The following CLTRN variants were observed in gnomAD, a reference collection of about 807,000 sequenced individuals.
CLTRN encodes the protein collectrin, amino acid transport regulator, also known as collectrin.
In CLTRN, 12 loss-of-function variants were observed where a neutral mutation model predicts 14.5. That is an observed-to-expected ratio of 0.83 (90% CI 0.53 to 1.34). The LOEUF is 1.34. Among genes scored for constraint, CLTRN ranks in the 40% most tolerant of loss-of-function variants. CLTRN has a pLI of 0.00. For missense variants in CLTRN, 154 were observed against 165.1 expected (o/e 0.93, Z 0.37); for synonymous variants, 58 against 56.5 (o/e 1.03, Z -0.12).
intron 4 of CLTRN, among the ~76,000 whole-genome samples, chrX:15,644,519 T>G (rs1569250973): frequency 9.0e-6 from 1 of 111,724 alleles, no homozygotes; most frequent in Non-Finnish European, 1.9e-5. Flanking sequence ...TTAGTTTGCA[T>G]GAGAGTCATG....
intron 5 of CLTRN, among the ~76,000 whole-genome samples, chrX:15,629,035 C>A (rs1928630048): frequency 9.0e-6 from 1 of 111,249 alleles, no homozygotes; most frequent in African/African-American, 3.3e-5. Flanking sequence ...GAGGTGGGTG[C>A]CTCTAGGCAA....
chrX:15,661,612 A>C (rs1238751567), intron 2 of CLTRN, among the ~76,000 whole-genome samples: 4 of 112,637 alleles, frequency 3.6e-5, no homozygotes, highest in Non-Finnish European at 7.5e-5. Context: ...GAAAATGTAC[A>C]ACTTAAGAGA....
chrX:15,630,900 G>C (rs1928679204), intron 5 of CLTRN, among the ~76,000 whole-genome samples: 1 of 111,893 alleles, frequency 8.9e-6, no homozygotes, highest in African/African-American at 3.3e-5. Context: ...CCTATAGATA[G>C]GTGTATTGTT....
At chrX:15,656,034 CT>C (rs995460196) in intron 3 of CLTRN, among the ~76,000 whole-genome samples, 2 of 111,682 alleles carry the variant, frequency 1.8e-5, no homozygotes, top group African/African-American at 6.5e-5. Flanking sequence ...ATTCCCAGCC[CT>C]GTTCAAGTCC....
upstream of CLTRN, chrX:15,664,872 C>G (rs1241144509): frequency 2.7e-6 from 2 of 745,065 alleles, no homozygotes; most frequent in Admixed American, 5.7e-5. Context: ...ATTAGAATAT[C>G]AGAGAAACAA....
intron 5 of CLTRN, among the ~76,000 whole-genome samples, chrX:15,631,148 A>G (rs1351437096): frequency 8.9e-6 from 1 of 112,251 alleles, no homozygotes; most frequent in Non-Finnish European, 1.9e-5. Context: ...TGTTTCTTCT[A>G]AAGATGAAGC....
intron 1 of CLTRN, among the ~76,000 whole-genome samples, chrX:15,670,519 CAAT>C (rs976281376): frequency 3.6e-5 from 4 of 111,286 alleles, no homozygotes; most frequent in Admixed American, 9.5e-5. Flanking sequence ...ATAATTTATA[CAAT>C]GTTTTCAGTA....
At chrX:15,650,572 C>G (rs1423572060) in intron 3 of CLTRN, among the ~76,000 whole-genome samples, 1 of 111,841 alleles carries the variant, frequency 8.9e-6, no homozygotes, top group East Asian at 2.8e-4. Context: ...GTTTCTTAAG[C>G]ATCATTTCTC....
intron 4 of CLTRN, 26 bp downstream of exon 4, chrX:15,644,890 T>C (rs202151271): frequency 2.0e-6 from 2 of 1,001,877 alleles, no homozygotes; most frequent in African/African-American, 1.9e-5. Context: ...GATTGACTAA[T>C]AGAAGGCATA....
intron 4 of CLTRN, among the ~76,000 whole-genome samples, chrX:15,642,194 G>A (rs1433616695): frequency 8.9e-6 from 1 of 111,935 alleles, no homozygotes; most frequent in Non-Finnish European, 1.9e-5. Flanking sequence ...GGCTTGGAAT[G>A]TATTCTATCA....
At chrX:15,640,863 A>G (rs1928925994) in intron 4 of CLTRN, among the ~76,000 whole-genome samples, 1 of 112,366 alleles carries the variant, frequency 8.9e-6, no homozygotes. Context: ...AGATCAGTAG[A>G]TCCACAACCA....
chrX:15,639,784 A>C (rs1928898205), intron 4 of CLTRN, 28 bp from the exon 5 acceptor site: 2 of 1,117,899 alleles, frequency 1.8e-6, no homozygotes, highest in East Asian at 6.0e-5. Flanking sequence ...TTAAAAATAA[A>C]CAAAATAAGA....
At chrX:15,652,182 T>C (rs1929233727) in intron 3 of CLTRN, among the ~76,000 whole-genome samples, 1 of 112,346 alleles carries the variant, frequency 8.9e-6, no homozygotes, top group Admixed American at 9.4e-5. Context: ...GTGACTACAT[T>C]GAATGTCCTC....
intron 3 of CLTRN, among the ~76,000 whole-genome samples, chrX:15,656,973 C>G (rs760473264): frequency 9.0e-6 from 1 of 110,639 alleles, no homozygotes; most frequent in East Asian, 2.8e-4. Context: ...TACTATTTCA[C>G]CAACCCGACA....
At chrX:15,648,877 C>T (rs1361426468) in intron 3 of CLTRN, among the ~76,000 whole-genome samples, 1 of 111,120 alleles carries the variant, frequency 9.0e-6, no homozygotes, top group Non-Finnish European at 1.9e-5. Context: ...AAATATTATG[C>T]GTAGTACATA....
At chrX:15,664,282 GCA>G in intron 2 of CLTRN, 53 bp downstream of exon 2, 6 of 935,737 alleles carry the variant, frequency 6.4e-6, no homozygotes, top group Non-Finnish European at 9.0e-6. Context: ...ATTAGAGAAA[GCA>G]CAGTGTTATT....
chrX:15,644,642 C>T (rs1468209792), intron 4 of CLTRN, among the ~76,000 whole-genome samples: 1 of 111,464 alleles, frequency 9.0e-6, no homozygotes, highest in Admixed American at 9.5e-5. Context: ...GGTGGTACCA[C>T]CACCCCCTCC....
At position 15,628,230 on chromosome X, in the gene CLTRN, C is replaced by T. The variant is rs574958400; in HGVS notation, c.513-103G>A. On this transcript the variant is annotated intron_variant, in intron 5 of 5. Transcript: ENST00000380342. ...TGGAGAACAGGAAGGGGAATAGGAA[C>T]CTTAGAACAATGAAATAATTTAATG... 129 of 532,114 alleles carry T rather than the reference C, an allele frequency of 2.4e-4. 1 individual carries two copies. The South Asian group carries it at 0.012, about 50-fold the overall frequency. 43.9% of individuals were successfully genotyped at this position (532,114 alleles called of 1,213,427 possible).
At chrX:15,638,496 C>T (rs1332760158) in intron 5 of CLTRN, among the ~76,000 whole-genome samples, 1 of 112,107 alleles carries the variant, frequency 8.9e-6, no homozygotes, top group African/African-American at 3.2e-5. Context: ...CAAACACATC[C>T]CACATGTCCC....
Sources: gnomAD v4.1 joint callset for allele counts (sites outside exome capture counted in the v4.1 genomes callset) on GRCh38, gnomAD v4.1.1 for gene constraint, MANE v1.5 for transcripts, NCBI Gene and HGNC (gene_info 2026-07-23, HGNC 2026-07-21) for gene names.